CCDC148: variants seen among roughly 807,000 people sequenced by gnomAD.
The protein encoded by CCDC148 is coiled-coil domain containing 148.
CCDC148 carries 89 observed loss-of-function variants against 85.7 expected under a neutral mutation model. The ratio of observed to expected loss-of-function variants is 1.04; its 90% CI spans 0.87 to 1.24. The LOEUF is 1.24. CCDC148 is among the 50% of genes most tolerant of loss of function. The probability of loss-of-function intolerance (pLI) is 0.00; values close to 1 mark genes in which losing one functional copy is unlikely to be tolerated. For missense variants in CCDC148, 692 were observed against 671.7 expected, an observed-to-expected ratio of 1.03 and a Z score of -0.33; for synonymous variants, 230 against 213.9, an observed-to-expected ratio of 1.08 and a Z score of -0.66.
rs1027739449 is a variant in CCDC148, at chr2:158,340,750, A to G, written c.252-70T>C. ...CATCTAGGTTTTTAAAAAATAACCA[A>G]AGAGATATTTAGTCTAATATGGCTT... is the stretch of plus-strand genomic sequence containing the variant. On this transcript the variant is annotated intron_variant, in intron 3 of 13. Coordinates refer to ENST00000283233, the MANE Select transcript of CCDC148 (RefSeq NM_138803.4). 7.7e-6 allele frequency: 7 copies of G among 910,914 alleles called. No homozygotes were observed. The African/African-American group carries it at 8.5e-5, about 11-fold the overall frequency. The allele number at this position is 910,914 out of a possible 1,614,324, so 56.4% of individuals were successfully genotyped here.
At chr2:158,228,736 C>G (rs1442877738) in intron 10 of CCDC148, among the ~76,000 whole-genome samples, 14 of 144,846 alleles carry the variant, frequency 9.7e-5, no homozygotes, top group Non-Finnish European at 1.5e-5. Context: ...CATGTTCTCA[C>G]TCATAGGTGG....
At chr2:158,186,809 T>G (rs10171905) in intron 11 of CCDC148, among the ~76,000 whole-genome samples, 2,754 of 152,130 alleles carry the variant, frequency 0.018, 93 homozygotes, top group African/African-American at 0.062. Context: ...AAATTTTTTT[T>G]CTAGTTTTGC....
At chr2:158,352,587 A>G (rs945580063) in intron 2 of CCDC148, among the ~76,000 whole-genome samples, 2 of 152,174 alleles carry the variant, frequency 1.3e-5, no homozygotes, top group Admixed American at 6.5e-5. Context: ...GAAAAGACCA[A>G]ATCTACGTCT....
chr2:158,262,075 A>G (rs967153273), intron 9 of CCDC148, among the ~76,000 whole-genome samples: 1 of 152,110 alleles, frequency 6.6e-6, no homozygotes, highest in African/African-American at 2.4e-5. Flanking sequence ...TGTTCATTGC[A>G]GCACTATTCA....
chr2:158,225,130 C>CA (rs1687433258), intron 10 of CCDC148, among the ~76,000 whole-genome samples: 1 of 151,882 alleles, frequency 6.6e-6, no homozygotes, highest in Admixed American at 6.6e-5. Flanking sequence ...AAAAGGAAAA[C>CA]AAAAAACAGG....
intron 1 of CCDC148, among the ~76,000 whole-genome samples, chr2:158,422,266 C>G (rs1187089601): frequency 2.0e-5 from 3 of 152,140 alleles, no homozygotes; most frequent in Non-Finnish European, 4.4e-5. Flanking sequence ...GATACCAAAG[C>G]CTGGCAGAGA....
intron 1 of CCDC148, among the ~76,000 whole-genome samples, chr2:158,423,464 G>A (rs1686908026): frequency 6.6e-6 from 1 of 152,136 alleles, no homozygotes; most frequent in African/African-American, 2.4e-5. Flanking sequence ...CGAGCAATGG[G>A]GAAAGGATCC....
chr2:158,374,107 A>T (rs982074709), intron 1 of CCDC148, among the ~76,000 whole-genome samples: 1 of 152,080 alleles, frequency 6.6e-6, no homozygotes, highest in African/African-American at 2.4e-5. Flanking sequence ...TGAGATGACA[A>T]CTATTATCAA....
chr2:158,387,490 A>T (rs1286497811), intron 1 of CCDC148, among the ~76,000 whole-genome samples: 1 of 151,552 alleles, frequency 6.6e-6, no homozygotes, highest in East Asian at 1.9e-4. Context: ...CTCATCTATA[A>T]TACCACCTCT....
In CCDC148 at chr2:158,220,720, T is replaced by C. The variant is rs773889160; in HGVS notation, c.1252-7A>G. On this transcript the variant is annotated splice_region_variant and splice_polypyrimidine_tract_variant and intron_variant, in intron 10 of 13. Transcript: ENST00000283233. ...TGGCCCAGTATTTTTTTATCTATTG[T>C]ATAAATGTTACATAAAATTTAAATT... 1.3e-6 allele frequency: 2 copies of C among 1,543,814 alleles called. No homozygotes were observed. Among genetic ancestry groups the C allele is most frequent in the Admixed American group, 2.2e-5 (1 of 46,154 alleles).
At chr2:158,382,495 C>T (rs1684914988) in intron 1 of CCDC148, among the ~76,000 whole-genome samples, 1 of 152,126 alleles carries the variant, frequency 6.6e-6, no homozygotes, top group Admixed American at 6.5e-5. Context: ...TAGCATCATT[C>T]TTCTCTGACA....
intron 3 of CCDC148, among the ~76,000 whole-genome samples, chr2:158,344,381 G>C (rs1330794753): frequency 6.6e-6 from 1 of 152,016 alleles, no homozygotes; most frequent in African/African-American, 2.4e-5. Context: ...GCCAGAATAA[G>C]AAACTCATCA....
At chr2:158,236,917 T>C (rs1226779944) in intron 10 of CCDC148, among the ~76,000 whole-genome samples, 1 of 152,162 alleles carries the variant, frequency 6.6e-6, no homozygotes, top group East Asian at 1.9e-4. Flanking sequence ...AGTCAATAAA[T>C]AGATGTCGGG....
chr2:158,175,780 T>C (rs1684549422), intron 13 of CCDC148, among the ~76,000 whole-genome samples: 1 of 152,064 alleles, frequency 6.6e-6, no homozygotes, highest in African/African-American at 2.4e-5. Context: ...TTTAAATAAT[T>C]AAATAATTAT....
At chr2:158,191,201 T>C (rs1408867193) in intron 11 of CCDC148, among the ~76,000 whole-genome samples, 3 of 151,990 alleles carry the variant, frequency 2.0e-5, no homozygotes, top group Non-Finnish European at 4.4e-5. Flanking sequence ...CTCAAACAAA[T>C]GATTTAAGTA....
intron 3 of CCDC148, 78 bp from the exon 4 acceptor site, chr2:158,340,758 T>C: frequency 3.6e-6 from 3 of 831,088 alleles, no homozygotes; most frequent in Non-Finnish European, 1.9e-6. Context: ...CAAAGAGATA[T>C]TTAGTCTAAT....
intron 11 of CCDC148, among the ~76,000 whole-genome samples, chr2:158,208,432 C>T (rs12105434): frequency 0.22 from 34,025 of 152,080 alleles, 3,894 homozygotes; most frequent in Middle Eastern, 0.27. Flanking sequence ...CCAGCCTCCT[C>T]TGCAGCTAGA....
chr2:158,340,083 A>T (rs928558743), intron 5 of CCDC148, among the ~76,000 whole-genome samples, 159 bp downstream of exon 5: 74 of 152,190 alleles, frequency 4.9e-4, no homozygotes, highest in Non-Finnish European at 9.4e-4. Flanking sequence ...TGTTTAAAAT[A>T]TTTAGTGGAT....
intron 13 of CCDC148, among the ~76,000 whole-genome samples, chr2:158,176,005 G>C (rs1009871750): frequency 1.3e-5 from 2 of 151,892 alleles, no homozygotes; most frequent in East Asian, 1.9e-4. Context: ...TGAACCCTAG[G>C]TTCCTAGAAA....
Sources: allele counts gnomAD v4.1 joint callset (sites outside exome capture counted in the v4.1 genomes callset), GRCh38; gene constraint gnomAD v4.1.1; transcripts MANE v1.5; gene names NCBI Gene and HGNC (gene_info 2026-07-23, HGNC 2026-07-21).